INSC: variants seen among roughly 807,000 people sequenced by gnomAD.
The protein encoded by INSC is protein inscuteable homolog.
Under a neutral mutation model 58.6 loss-of-function variants are expected in INSC, and 67 were observed. That is an observed-to-expected ratio of 1.14 (90% CI 0.94 to 1.40). INSC has a LOEUF of 1.40. Ranked by LOEUF, INSC falls within the 40% of genes most tolerant of loss-of-function variation. The pLI, the probability that INSC is intolerant of heterozygous loss-of-function variation, is 0.00. For synonymous variants in INSC, 262 were observed against 276.1 expected, an observed-to-expected ratio of 0.95 and a Z score of 0.51; for missense variants, 714 against 692.0, an observed-to-expected ratio of 1.03 and a Z score of -0.36.
chr11:15,215,917 C>A (rs144832838), intron 7 of INSC, among the ~76,000 whole-genome samples: 1,968 of 152,238 alleles, frequency 0.013, 16 homozygotes, highest in Non-Finnish European at 0.02. Flanking sequence ...GGAAAATGAC[C>A]ACTTCAGCTT....
chr11:15,178,527 C>T, intron 5 of INSC, 80 bp downstream of exon 5: 2 of 1,504,886 alleles, frequency 1.3e-6, no homozygotes, highest in Non-Finnish European at 1.8e-6. Flanking sequence ...CTGAGCCAGG[C>T]TTGGGGAAGC....
At chr11:15,215,257 A>G (rs1476883110) in intron 7 of INSC, among the ~76,000 whole-genome samples, 3 of 152,244 alleles carry the variant, frequency 2.0e-5, no homozygotes, top group African/African-American at 7.2e-5. Flanking sequence ...TTCCAGCAGC[A>G]ATTTCTTTAG....
chr11:15,189,676 C>T (rs1289104478), intron 5 of INSC, among the ~76,000 whole-genome samples: 1 of 152,214 alleles, frequency 6.6e-6, no homozygotes, highest in South Asian at 2.1e-4. Context: ...ATAAACCTGG[C>T]AACTGAAACC....
chr11:15,203,214 G>T (rs1850664139), intron 7 of INSC, among the ~76,000 whole-genome samples: 1 of 152,258 alleles, frequency 6.6e-6, no homozygotes, highest in East Asian at 1.9e-4. Context: ...CTGGTTTAAT[G>T]ATTACTCTGA....
intron 1 of INSC, among the ~76,000 whole-genome samples, chr11:15,125,952 T>C (rs1463121053): frequency 6.6e-6 from 1 of 152,150 alleles, no homozygotes; most frequent in Non-Finnish European, 1.5e-5. Flanking sequence ...AAGTCAGTTC[T>C]GAAGAATAAC....
the INSC span, among the ~76,000 whole-genome samples, chr11:15,264,318 G>T: frequency 6.9e-4 from 96 of 138,906 alleles, no homozygotes; most frequent in African/African-American, 2.1e-3. Context: ...CTGCTGCGGC[G>T]GCTGCTGCGT....
intron 1 of INSC, among the ~76,000 whole-genome samples, chr11:15,123,854 G>A (rs1564857416): frequency 6.6e-6 from 1 of 152,110 alleles, no homozygotes; most frequent in Non-Finnish European, 1.5e-5. Context: ...AGACTCCTTG[G>A]AACAAATGAT....
At chr11:15,241,510 T>C (rs976695691) in intron 12 of INSC, 4 of 700,812 alleles carry the variant, frequency 5.7e-6, no homozygotes, top group African/African-American at 3.5e-5. Flanking sequence ...CTCAGTGCTA[T>C]ACATTTTATT....
At chr11:15,242,328 T>C (rs980404265) in intron 12 of INSC, among the ~76,000 whole-genome samples, 1 of 152,216 alleles carries the variant, frequency 6.6e-6, no homozygotes. Flanking sequence ...CTTTAATCAC[T>C]TGAAGGACTT....
At chr11:15,258,700 A>C in the INSC span, among the ~76,000 whole-genome samples, 1 of 152,064 alleles carries the variant, frequency 6.6e-6, no homozygotes, top group Admixed American at 6.6e-5. Flanking sequence ...GAAATTCTGG[A>C]GCAGGAGAAC....
chr11:15,171,608 C>T lies in INSC; in HGVS notation c.57-4133C>T, dbSNP rs115223091. ...CCAGGCACCTGCCCCTGATCTCCAA[C>T]GGAAAGGGGGAGTTCTCTTCTTGGA... On this transcript the variant is annotated intron_variant, in intron 2 of 12. Coordinates refer to ENST00000379556, the MANE Select transcript of INSC (RefSeq NM_001042536.3). 3.0e-3 allele frequency among the ~76,000 whole-genome samples: 456 copies of T among 152,276 alleles called. 4 individuals carry two copies. Among genetic ancestry groups the T allele is most frequent in the African/African-American group, 0.01 (431 of 41,548 alleles).
At chr11:15,207,712 T>G (rs569017895) in intron 7 of INSC, among the ~76,000 whole-genome samples, 1 of 152,184 alleles carries the variant, frequency 6.6e-6, no homozygotes, top group African/African-American at 2.4e-5. Flanking sequence ...CACTGTCTGC[T>G]CCCTGTATAA....
intron 7 of INSC, among the ~76,000 whole-genome samples, chr11:15,212,676 A>C (rs1038747002): frequency 1.3e-5 from 2 of 152,228 alleles, no homozygotes; most frequent in African/African-American, 4.8e-5. Context: ...TAAAAAATAC[A>C]AGTTTGATAT....
intron 5 of INSC, among the ~76,000 whole-genome samples, chr11:15,183,434 AGTGTGTGTATGTGTGT>A (rs986026030): frequency 1.3e-5 from 1 of 75,816 alleles, no homozygotes; most frequent in Admixed American, 1.8e-4. Flanking sequence ...GATATATTGT[AGTGTGTGTATGTGTGT>A]GTGTGTGTAT....
intron 1 of INSC, among the ~76,000 whole-genome samples, chr11:15,121,590 G>GAATTAATAAGT (rs1847876157): frequency 6.6e-6 from 1 of 152,156 alleles, no homozygotes; most frequent in East Asian, 1.9e-4. Context: ...TTTCTCTCTG[G>GAATTAATAAGT]AATTAATAAG....
chr11:15,159,771 T>G (rs528915719), intron 2 of INSC, among the ~76,000 whole-genome samples: 21 of 152,188 alleles, frequency 1.4e-4, no homozygotes, highest in Non-Finnish European at 2.5e-4. Flanking sequence ...ATCATAAGAG[T>G]ACCCTCCTCA....
At chr11:15,233,482 G>T (rs1394471295) in intron 9 of INSC, among the ~76,000 whole-genome samples, 1 of 152,112 alleles carries the variant, frequency 6.6e-6, no homozygotes, top group East Asian at 1.9e-4. Context: ...GGCATAATTG[G>T]CATTTATTCA....
At chr11:15,211,932 T>G (rs1040282678) in intron 7 of INSC, among the ~76,000 whole-genome samples, 3 of 152,154 alleles carry the variant, frequency 2.0e-5, no homozygotes, top group African/African-American at 7.2e-5. Context: ...GTCTAATACA[T>G]TTTTCTATTT....
downstream of INSC, among the ~76,000 whole-genome samples, chr11:15,249,367 G>GAGA (rs1852625702): frequency 6.6e-6 from 1 of 152,158 alleles, no homozygotes; most frequent in African/African-American, 2.4e-5. Context: ...ACTTGTTTTA[G>GAGA]AGAAGGAGAA....
Sources: allele counts gnomAD v4.1 joint callset (sites outside exome capture counted in the v4.1 genomes callset), GRCh38; gene constraint gnomAD v4.1.1; transcripts MANE v1.5; gene names NCBI Gene and HGNC (gene_info 2026-07-23, HGNC 2026-07-21).